The following CCDC85C variants were observed in gnomAD, a reference collection of about 807,000 sequenced individuals.
CCDC85C encodes the protein coiled-coil domain containing 85C, also known as coiled-coil domain-containing protein 85C.
Under a neutral mutation model 38.3 loss-of-function variants are expected in CCDC85C, and 18 were observed. That is an observed-to-expected ratio of 0.47 (90% CI 0.33 to 0.70). The LOEUF (loss-of-function observed/expected upper bound fraction) is 0.70, where lower values mean the gene tolerates loss of function less well. Ranked by LOEUF, CCDC85C falls within the 30% of genes least tolerant of loss-of-function variation. The pLI, the probability that CCDC85C is intolerant of heterozygous loss-of-function variation, is 0.03. For synonymous variants in CCDC85C, 264 were observed against 293.8 expected (o/e 0.90, Z 1.04); for missense variants, 566 against 621.2 (o/e 0.91, Z 0.94).
At chr14:99,541,302 G>A (rs920357499) in intron 1 of CCDC85C, among the ~76,000 whole-genome samples, 4 of 152,156 alleles carry the variant, frequency 2.6e-5, no homozygotes, top group East Asian at 1.9e-4. Context: ...ACAGCACCCC[G>A]CACCCCAAGC....
intron 1 of CCDC85C, among the ~76,000 whole-genome samples, chr14:99,554,681 C>A (rs1595082795): frequency 6.6e-6 from 1 of 152,346 alleles, no homozygotes; most frequent in East Asian, 1.9e-4. Flanking sequence ...GTTGCTCCAG[C>A]CTTTCTGCAG....
intron 2 of CCDC85C, among the ~76,000 whole-genome samples, chr14:99,523,957 A>G (rs1897337255): frequency 6.7e-6 from 1 of 149,192 alleles, no homozygotes; most frequent in Non-Finnish European, 1.5e-5. Flanking sequence ...AAAAAGAGGA[A>G]GAGGCTACAG....
At position 99,503,189 on chromosome 14, in the gene CCDC85C, C is replaced by T. The variant is rs1896883036; in HGVS notation, c.*12057G>A. ...GCTGCCTCTGAGAACCAGGAGGGGG[C>T]TCTCTGCCCGGCTCCAGCCCTGCTG... On this transcript the variant is annotated 3_prime_UTR_variant, in exon 6 of 6. Coordinates refer to ENST00000380243, the MANE Select transcript of CCDC85C (RefSeq NM_001144995.2). The T allele has an allele frequency of 1.4e-6, 1 of 713,172 alleles. No homozygotes were observed. The highest frequency in any genetic ancestry group is 2.5e-6 in the Non-Finnish European group (1 of 398,234). The allele number at this position is 713,172 out of a possible 1,614,324, so 44.2% of individuals were successfully genotyped here.
Position 99,510,258 on chromosome 14 carries a change from C to A in CCDC85C, c.*4988G>T. On this transcript the variant is annotated 3_prime_UTR_variant, in exon 6 of 6. Transcript: ENST00000380243. ...AGTCCAGATTCCCCCTCCGGCCCAC[C>A]CGGCCCCTGTGCACCAGCCACCGCC... The A allele has an allele frequency of 6.4e-7, 1 of 1,558,480 alleles. No homozygotes were observed. The highest frequency in any genetic ancestry group is 2.3e-5 in the East Asian group (1 of 42,898).
intron 1 of CCDC85C, among the ~76,000 whole-genome samples, chr14:99,574,302 T>C (rs1898423406): frequency 6.6e-6 from 1 of 151,846 alleles, no homozygotes; most frequent in South Asian, 2.1e-4. Flanking sequence ...TTTTTTTTTG[T>C]CTGGCAGAAG....
Position 99,503,330 on chromosome 14 carries a change from C to A in CCDC85C, c.*11916G>T. ...CCTGACCCCAAACAGTGGACCGTTTCCTGCACCCAAGTGGTCCTGAAACTT... is the reference window on the plus strand; with the variant it reads ...CCTGACCCCAAACAGTGGACCGTTTACTGCACCCAAGTGGTCCTGAAACTT... On this transcript the variant is annotated 3_prime_UTR_variant, in exon 6 of 6. Coordinates refer to ENST00000380243, the MANE Select transcript of CCDC85C (RefSeq NM_001144995.2). 1.7e-6 allele frequency: 1 copy of A among 602,272 alleles called. No individual in the cohort carries two copies. The highest frequency in any genetic ancestry group is 3.0e-6 in the Non-Finnish European group (1 of 337,830). The allele number at this position is 602,272 out of a possible 1,614,324, so 37.3% of individuals were successfully genotyped here.
rs2140000025 is a variant in CCDC85C at position 99,603,139 on chromosome 14, C to T, written c.793+28G>A. 1 of 1,300,628 alleles carries T rather than the reference C, an allele frequency of 7.7e-7. No individual in the cohort carries two copies. Among genetic ancestry groups the T allele is most frequent in the Non-Finnish European group, 9.8e-7 (1 of 1,024,316 alleles). 80.6% of individuals were successfully genotyped at this position (1,300,628 alleles called of 1,614,324 possible). On this transcript the variant is annotated intron_variant, in intron 1 of 5. Transcript: ENST00000380243. The surrounding 1 kb of genome is among the most constrained non-coding windows in gnomAD (Gnocchi z 7.5). ...GAAAAGGGCTGCAGCCAGGGAGACC[C>T]GCGCTGCCCGGCCCGTGTAGTCCTT... is the stretch of plus-strand genomic sequence containing the variant.
rs1051675742 is a variant in CCDC85C at position 99,511,625 on chromosome 14, G to A, written c.*3621C>T. 4 of 152,484 alleles carry A rather than the reference G, an allele frequency of 2.6e-5. No individual in the cohort carries two copies. Among genetic ancestry groups the A allele is most frequent in the Admixed American group, 6.5e-5 (1 of 15,290 alleles). 9.4% of individuals were successfully genotyped at this position (152,484 alleles called of 1,614,324 possible). On this transcript the variant is annotated 3_prime_UTR_variant, in exon 6 of 6. Transcript: ENST00000380243. Reference sequence around the variant, plus strand: ...GACCCTGGGGACGCGGGAGAGGCCTGGCTGCAGCTCACAGCAGCCACAGCC... The same window carrying A: ...GACCCTGGGGACGCGGGAGAGGCCTAGCTGCAGCTCACAGCAGCCACAGCC...
At position 99,545,008 on chromosome 14, in the gene CCDC85C, G is replaced by A. The variant is rs897973603; in HGVS notation, c.794-8920C>T. ...AGCCGGATTAGAAATCAAACACGCC[G>A]AGGACACCCTTCCCAGTGCCTCCAG... On this transcript the variant is annotated intron_variant, in intron 1 of 5. Transcript: ENST00000380243. This position sits in a 1 kb window ranked among gnomAD's most constrained non-coding sequence, Gnocchi z 4.7. Among the ~76,000 whole-genome samples, 29 of 152,108 alleles carry A rather than the reference G, an allele frequency of 1.9e-4. No homozygotes were observed. The highest frequency in any genetic ancestry group is 5.6e-4 in the African/African-American group (23 of 41,410).
intron 1 of CCDC85C, among the ~76,000 whole-genome samples, chr14:99,584,364 T>C (rs754710732): frequency 6.6e-6 from 1 of 152,172 alleles, no homozygotes; most frequent in Non-Finnish European, 1.5e-5. Context: ...GTGGAGCCAG[T>C]GGTCCAAGGA....
chr14:99,557,597 G>C (rs1209484155), intron 1 of CCDC85C, among the ~76,000 whole-genome samples: 1 of 152,206 alleles, frequency 6.6e-6, no homozygotes, highest in Non-Finnish European at 1.5e-5. Context: ...GCTAGAAGGA[G>C]ACAATGGCTC....
In CCDC85C at chr14:99,514,206, C is replaced by G. The variant is rs1163050085; in HGVS notation, c.*1040G>C. On this transcript the variant is annotated 3_prime_UTR_variant, in exon 6 of 6. Transcript: ENST00000380243. ...AGGAACCTCAGAGACCTGTTTCCAC[C>G]AAGAGCCCAGACAGGCTGAGTGAAC... 1 of 152,444 alleles carries G rather than the reference C, an allele frequency of 6.6e-6. No homozygotes were observed. The highest frequency in any genetic ancestry group is 2.4e-5 in the African/African-American group (1 of 41,466). The allele number at this position is 152,444 out of a possible 1,614,324, so 9.4% of individuals were successfully genotyped here.
intron 1 of CCDC85C, among the ~76,000 whole-genome samples, chr14:99,577,127 C>A (rs1007853032): frequency 2.0e-5 from 3 of 151,952 alleles, no homozygotes; most frequent in African/African-American, 7.2e-5. Flanking sequence ...TCCCTGGGCT[C>A]GTCTCCTCTC....
intron 1 of CCDC85C, among the ~76,000 whole-genome samples, chr14:99,568,615 G>C (rs1335395705): frequency 2.0e-5 from 3 of 152,164 alleles, no homozygotes; most frequent in Non-Finnish European, 2.9e-5. Context: ...ACCCCGAGGG[G>C]GCTGCAGAGG....
intron 1 of CCDC85C, among the ~76,000 whole-genome samples, chr14:99,577,754 A>T (rs1898516378): frequency 9.5e-6 from 1 of 105,520 alleles, no homozygotes; most frequent in Admixed American, 1.0e-4. Flanking sequence ...GTGTGTGTGT[A>T]CACATCTCCA....
chr14:99,537,792 C>G (rs1026872556), intron 1 of CCDC85C, among the ~76,000 whole-genome samples: 1 of 152,144 alleles, frequency 6.6e-6, no homozygotes, highest in Non-Finnish European at 1.5e-5. Flanking sequence ...CTATCAACCC[C>G]GACAAACAGT....
At chr14:99,557,443 C>A (rs1898033747) in intron 1 of CCDC85C, among the ~76,000 whole-genome samples, 1 of 152,220 alleles carries the variant, frequency 6.6e-6, no homozygotes, top group Non-Finnish European at 1.5e-5. Flanking sequence ...CAGGTGAGCT[C>A]ACCCATCTCC....
In CCDC85C at chr14:99,502,407, G is replaced by T; in HGVS notation, c.*12839C>A. The T allele has an allele frequency of 6.2e-7, 1 of 1,605,872 alleles. No individual in the cohort carries two copies. On this transcript the variant is annotated 3_prime_UTR_variant, in exon 6 of 6. Coordinates refer to ENST00000380243, the MANE Select transcript of CCDC85C (RefSeq NM_001144995.2). ...AGGCATGCTAAGCGTTCTCGTGAGG[G>T]TGTTCCATGTTGAGATGATTCTTCC...
intron 1 of CCDC85C, among the ~76,000 whole-genome samples, 192 bp downstream of exon 1, chr14:99,602,975 C>T (rs964836714): frequency 3.3e-5 from 5 of 152,182 alleles, no homozygotes; most frequent in Non-Finnish European, 5.9e-5. Flanking sequence ...CACCACTGAA[C>T]CGGCCCACCA....
Sources: gnomAD v4.1 joint callset for allele counts (sites outside exome capture counted in the v4.1 genomes callset) on GRCh38, gnomAD v4.1.1 for gene constraint, Gnocchi (gnomAD v3.1) non-coding constraint, MANE v1.5 for transcripts, NCBI Gene and HGNC (gene_info 2026-07-23, HGNC 2026-07-21) for gene names.